The following LCORL variants were observed in gnomAD, a reference collection of about 807,000 sequenced individuals.
LCORL encodes ligand-dependent nuclear receptor corepressor-like protein.
Under a neutral mutation model 141.8 loss-of-function variants are expected in LCORL, and 41 were observed. The ratio of observed to expected loss-of-function variants is 0.29; its 90% CI spans 0.23 to 0.38. LCORL has a LOEUF of 0.38. Among genes scored for constraint, LCORL ranks in the 10% least tolerant of loss-of-function variants. The pLI is 1.00. For synonymous variants in LCORL, 618 were observed against 694.1 expected (o/e 0.89, Z 1.72); for missense variants, 1,759 against 2,035.0 (o/e 0.86, Z 2.61).
intron 4 of LCORL, 73 bp downstream of exon 4, chr4:17,961,829 AC>A: frequency 7.9e-7 from 1 of 1,268,816 alleles, no homozygotes. Context: ...CATATAAAAA[AC>A]TTTTGTGTAA....
intron 1 of LCORL, among the ~76,000 whole-genome samples, chr4:17,999,377 C>A (rs1488534020): frequency 6.6e-6 from 1 of 151,562 alleles, no homozygotes; most frequent in African/African-American, 2.4e-5. Context: ...TGGCGTGAAC[C>A]CGGGAGGTGG....
intron 1 of LCORL, among the ~76,000 whole-genome samples, chr4:18,009,795 A>T (rs2109865012): frequency 6.6e-6 from 1 of 152,020 alleles, no homozygotes. Context: ...CTGCCTTAGC[A>T]TGCCTTCCAA....
At chr4:17,983,330 C>G (rs978174175) in intron 1 of LCORL, among the ~76,000 whole-genome samples, 1 of 152,162 alleles carries the variant, frequency 6.6e-6, no homozygotes, top group East Asian at 1.9e-4. Context: ...ATAGAAATAG[C>G]AGTGAATCTA....
intron 5 of LCORL, among the ~76,000 whole-genome samples, chr4:17,889,484 A>G (rs1728772392): frequency 6.6e-6 from 1 of 152,174 alleles, no homozygotes; most frequent in Admixed American, 6.6e-5. Context: ...CACAAAATAC[A>G]TAAATATGTA....
At chr4:17,944,519 C>G (rs1560382474) in intron 4 of LCORL, among the ~76,000 whole-genome samples, 2 of 152,086 alleles carry the variant, frequency 1.3e-5, no homozygotes, top group Admixed American at 1.3e-4. Context: ...TGTTGCAACT[C>G]TGGCCATCAG....
chr4:17,971,087 A>G (rs1454300505), intron 2 of LCORL, among the ~76,000 whole-genome samples: 5 of 152,064 alleles, frequency 3.3e-5, no homozygotes, highest in Non-Finnish European at 7.4e-5. Context: ...AAAAATACGA[A>G]GTGTGCTATT....
chr4:18,008,659 A>G (rs1165055340), intron 1 of LCORL, among the ~76,000 whole-genome samples: 1 of 152,220 alleles, frequency 6.6e-6, no homozygotes, highest in Non-Finnish European at 1.5e-5. Flanking sequence ...ATGGAAAATT[A>G]TATGTGATAA....
chr4:17,980,410 G>A (rs1717755574), intron 1 of LCORL, among the ~76,000 whole-genome samples: 1 of 152,116 alleles, frequency 6.6e-6, no homozygotes, highest in African/African-American at 2.4e-5. Flanking sequence ...ATAACTCTTT[G>A]ATGTCACAGC....
chr4:17,908,920 G>C (rs1039184911), intron 5 of LCORL, among the ~76,000 whole-genome samples, 174 bp downstream of exon 5: 6 of 152,068 alleles, frequency 3.9e-5, no homozygotes, highest in African/African-American at 1.4e-4. Flanking sequence ...TATAAACAAA[G>C]ATGCAAGTAC....
chr4:17,949,861 G>A (rs1739449615), intron 4 of LCORL, among the ~76,000 whole-genome samples: 1 of 152,096 alleles, frequency 6.6e-6, no homozygotes, highest in Admixed American at 6.6e-5. Context: ...ATAATTTGAG[G>A]ATCACAGTTC....
chr4:17,953,216 T>A (rs527653227), intron 4 of LCORL, among the ~76,000 whole-genome samples: 1 of 152,338 alleles, frequency 6.6e-6, no homozygotes, highest in East Asian at 1.9e-4. Context: ...TATGTATGCA[T>A]GGGCCTTTAT....
chr4:17,871,606 G>A (rs558531094), intron 7 of LCORL, among the ~76,000 whole-genome samples: 55 of 151,964 alleles, frequency 3.6e-4, no homozygotes, highest in Non-Finnish European at 6.8e-4. Flanking sequence ...CTGGTTAACT[G>A]TAACAGCATG....
intron 1 of LCORL, among the ~76,000 whole-genome samples, chr4:17,990,634 C>T (rs981695760): frequency 3.4e-5 from 5 of 148,274 alleles, no homozygotes; most frequent in African/African-American, 1.3e-4. Context: ...TATTAAATTC[C>T]CATCTTGGTT....
At chr4:17,891,059 A>G (rs1025552747) in intron 5 of LCORL, among the ~76,000 whole-genome samples, 1 of 152,084 alleles carries the variant, frequency 6.6e-6, no homozygotes, top group Non-Finnish European at 1.5e-5. Context: ...TATTCGACTG[A>G]TTGCTAGAAA....
intron 5 of LCORL, among the ~76,000 whole-genome samples, chr4:17,888,969 A>G (rs1436351341): frequency 2.6e-5 from 4 of 152,126 alleles, no homozygotes; most frequent in African/African-American, 9.7e-5. Flanking sequence ...TGAAGTAATG[A>G]AATTTCCCCC....
chr4:17,905,872 T>C (rs1195987287), intron 5 of LCORL, among the ~76,000 whole-genome samples: 1 of 152,118 alleles, frequency 6.6e-6, no homozygotes, highest in Non-Finnish European at 1.5e-5. Context: ...GACACTGCTA[T>C]CACTAGTATG....
chr4:17,912,027 C>A, intron 4 of LCORL: 1 of 657,148 alleles, frequency 1.5e-6, no homozygotes, highest in South Asian at 1.4e-5. Context: ...AGTTAGAGAC[C>A]AAAATCTGGG....
At chr4:17,874,221 G>A (rs1726680139) in exon 7 of LCORL, 6 of 1,233,620 alleles carry the variant, frequency 4.9e-6, no homozygotes, top group Admixed American at 4.2e-5. Flanking sequence ...TCTAGCTATT[G>A]CTAAATTACT....
At chr4:17,949,306 T>C (rs182085157) in intron 4 of LCORL, among the ~76,000 whole-genome samples, 223 of 152,226 alleles carry the variant, frequency 1.5e-3, no homozygotes, top group Non-Finnish European at 1.9e-3. Flanking sequence ...TGTTTTAGAA[T>C]GGGCCAATTA....
Sources: gnomAD v4.1 joint callset for allele counts (sites outside exome capture counted in the v4.1 genomes callset) on GRCh38, gnomAD v4.1.1 for gene constraint, MANE v1.5 for transcripts, NCBI Gene and HGNC (gene_info 2026-07-23, HGNC 2026-07-21) for gene names.